TAF15: variants seen among roughly 807,000 people sequenced by gnomAD.
TAF15 encodes TATA-box binding protein associated factor 15.
Under a neutral mutation model 102.5 loss-of-function variants are expected in TAF15, and 37 were observed. That is an observed-to-expected ratio of 0.36 (90% CI 0.28 to 0.47). The LOEUF is 0.47. Among genes scored for constraint, TAF15 ranks in the 20% least tolerant of loss-of-function variants. The pLI, the probability that TAF15 is intolerant of heterozygous loss-of-function variation, is 0.99. For synonymous variants in TAF15, 273 were observed against 259.2 expected, an observed-to-expected ratio of 1.05 and a Z score of -0.51; for missense variants, 652 against 760.7, an observed-to-expected ratio of 0.86 and a Z score of 1.68.
chr17:35,834,740 C>CTTTTTATTT (rs2087451827), intron 9 of TAF15, 142 bp downstream of exon 9: 1 of 212,936 alleles, frequency 4.7e-6, no homozygotes, highest in African/African-American at 5.2e-5. Context: ...AGCTTTATTT[C>CTTTTTATTT]TTTTTTTTTT....
At chr17:35,812,550 A>G (rs1275217907) in intron 1 of TAF15, among the ~76,000 whole-genome samples, 2 of 140,098 alleles carry the variant, frequency 1.4e-5, no homozygotes, top group African/African-American at 2.7e-5. Flanking sequence ...GCGCCATTGC[A>G]CTCCAGCCTG....
chr17:35,844,833 CGAG>C lies in TAF15; in HGVS notation c.1539_1541del (p.Gly514del), dbSNP rs1453049053. 2 of 1,588,556 alleles carry C rather than the reference CGAG, an allele frequency of 1.3e-6. No individual in the cohort carries two copies. The highest frequency in any genetic ancestry group is 1.7e-6 in the Non-Finnish European group (2 of 1,167,384). On this transcript the variant is annotated inframe_deletion, in exon 15 of 16. Transcript: ENST00000605844. ...AGATCGAGGAGGTTACGGAGGAGAT[CGAG>C]GAGGTTATGGAGGAGATCGAGGAGG...
At chr17:35,816,180 G>A (rs2087192876) in intron 1 of TAF15, among the ~76,000 whole-genome samples, 2 of 152,176 alleles carry the variant, frequency 1.3e-5, no homozygotes, top group Admixed American at 1.3e-4. Flanking sequence ...TAATTGGAGA[G>A]CTTTACTGCA....
chr17:35,835,284 A>T (rs992742357), intron 9 of TAF15, among the ~76,000 whole-genome samples: 5 of 152,194 alleles, frequency 3.3e-5, no homozygotes, highest in African/African-American at 1.2e-4. Context: ...CCTACGTTGG[A>T]TTGGTAGTCT....
At chr17:35,826,156 A>G (rs2143777071) in intron 7 of TAF15, among the ~76,000 whole-genome samples, 1 of 152,176 alleles carries the variant, frequency 6.6e-6, no homozygotes, top group South Asian at 2.1e-4. Context: ...TATAAACTAA[A>G]TTTTTTATTT....
intron 1 of TAF15, chr17:35,816,815 CTTTTTTTTTTTTTTTT>C (rs1170506741): frequency 5.2e-5 from 3 of 57,430 alleles, no homozygotes; most frequent in South Asian, 8.7e-4. Flanking sequence ...CCCACCCCCA[CTTTTTTTTTTTTTTTT>C]TTTTTTTTTT....
intron 1 of TAF15, among the ~76,000 whole-genome samples, chr17:35,815,114 A>G (rs1391948689): frequency 3.3e-5 from 5 of 152,238 alleles, no homozygotes; most frequent in African/African-American, 9.6e-5. Flanking sequence ...CACAGGGAAC[A>G]TGTGCCAAGG....
Position 35,844,372 on chromosome 17 carries a change from G to C in TAF15, c.1177+4G>C, listed in dbSNP as rs2087584013. On this transcript the variant is annotated splice_donor_region_variant and intron_variant, in intron 14 of 15. Coordinates refer to ENST00000605844, the MANE Select transcript of TAF15 (RefSeq NM_139215.3). ...GACTCTCGTCCCTCAGGAGGAGGTG[G>C]GTCAGCCTTTTAATAGCATCTGCAT... The C allele has an allele frequency of 6.2e-7, 1 of 1,614,058 alleles. No homozygotes were observed.
intron 11 of TAF15, among the ~76,000 whole-genome samples, chr17:35,841,186 A>G (rs2087538867): frequency 6.6e-6 from 1 of 152,270 alleles, no homozygotes. Flanking sequence ...AAATGATAAA[A>G]AAAATTTCAA....
chr17:35,836,175 A>G lies in TAF15; in HGVS notation c.717A>G (p.Gln239=), dbSNP rs768402023. 9 of 1,613,882 alleles carry G rather than the reference A, an allele frequency of 5.6e-6. No homozygotes were observed. The South Asian group carries it at 9.9e-5, about 18-fold the overall frequency. The change falls in exon 10 of 16, where the codon CAA becomes CAG. Residue 239 remains glutamine, a synonymous_variant. Transcript: ENST00000605844. ...CAGATAACAACACAATCTTTGTGCA[A>G]GGACTTGGGGAGGGTGTGTCTACAG... ...DNSDNNTIFV[Q]GLGEGVSTDQ...
intron 7 of TAF15, among the ~76,000 whole-genome samples, chr17:35,833,023 G>A (rs915403934): frequency 1.3e-5 from 2 of 151,992 alleles, no homozygotes; most frequent in Non-Finnish European, 2.9e-5. Context: ...TGGGTGTGGC[G>A]ACACGCATCT....
At position 35,840,318 on chromosome 17, in the gene TAF15, C is replaced by T. The variant is rs531923686; in HGVS notation, c.913+1765C>T. 6.5e-5 allele frequency among the ~76,000 whole-genome samples: 9 copies of T among 137,534 alleles called. No individual in the cohort carries two copies. The East Asian group carries it at 2.0e-3, about 30-fold the overall frequency. The allele number at this position is 137,534 out of a possible 152,430, so 90.2% of individuals were successfully genotyped here. A position where few individuals can be genotyped will look rare whatever the true frequency, so the allele number is the denominator to read the frequency against. ...TCAGGCTGGAGTGCAGTGGCGCAAT[C>T]TCGGCTCACTTGAACCTCCGCCTCC... On this transcript the variant is annotated intron_variant, in intron 11 of 15. Coordinates refer to ENST00000605844, the MANE Select transcript of TAF15 (RefSeq NM_139215.3).
rs561062059 is a variant in TAF15 at position 35,844,860 on chromosome 17, G to A, written c.1561G>A (p.Gly521Ser). 1.2e-6 allele frequency: 2 copies of A among 1,608,778 alleles called. No homozygotes were observed. The highest frequency in any genetic ancestry group is 1.3e-5 in the African/African-American group (1 of 74,822). ...AGGAGGTTATGGAGGAGATCGAGGA[G>A]GCTATGGAGGAGACAGAAGCCGGGG... ...DRGGYGGDRGGYGGDRSRGGY... is the reference protein window; with the variant it reads ...DRGGYGGDRGSYGGDRSRGGY... The change falls in exon 15 of 16, where the codon GGC (glycine) becomes AGC (serine). Residue 521 changes from glycine (G) to serine (S), a missense_variant. Coordinates refer to ENST00000605844, the MANE Select transcript of TAF15 (RefSeq NM_139215.3).
rs189460819 is a variant in TAF15 at position 35,838,645 on chromosome 17, T to C, written c.913+92T>C. The C allele has an allele frequency of 2.5e-6, 4 of 1,581,036 alleles. No individual in the cohort carries two copies. In the African/African-American group the frequency reaches 5.4e-5, roughly 21 times the overall value. Reference sequence around the variant, plus strand: ...TATGCTCTGGGTGACAGTGATTATATTCATGTTTACTTTTGCAGATATTAA... The same window carrying C: ...TATGCTCTGGGTGACAGTGATTATACTCATGTTTACTTTTGCAGATATTAA... On this transcript the variant is annotated intron_variant, in intron 11 of 15. Transcript: ENST00000605844.
intron 1 of TAF15, among the ~76,000 whole-genome samples, chr17:35,813,853 A>G (rs2087157688): frequency 6.6e-6 from 1 of 152,188 alleles, no homozygotes; most frequent in Non-Finnish European, 1.5e-5. Context: ...CCAGTAACCT[A>G]CTAGAGAAAA....
In TAF15 at chr17:35,824,213, A is replaced by G. The variant is rs763704858; in HGVS notation, c.605+15A>G. ...ACAGGATCAAGGTAAGTATGTAGAT[A>G]AAGATGCGTACATTTCTTCTTCTTC... On this transcript the variant is annotated intron_variant, in intron 7 of 15. Coordinates refer to ENST00000605844, the MANE Select transcript of TAF15 (RefSeq NM_139215.3). 1.2e-6 allele frequency: 2 copies of G among 1,613,094 alleles called. No homozygotes were observed. Among genetic ancestry groups the G allele is most frequent in the Non-Finnish European group, 8.5e-7 (1 of 1,179,744 alleles).
At chr17:35,812,387 G>A (rs1437153374) in intron 1 of TAF15, among the ~76,000 whole-genome samples, 5 of 151,682 alleles carry the variant, frequency 3.3e-5, no homozygotes, top group South Asian at 2.1e-4. Flanking sequence ...ACCTAAGGTC[G>A]AGAGTTCGAG....
At chr17:35,832,821 A>G (rs185735988) in intron 7 of TAF15, among the ~76,000 whole-genome samples, 175 of 152,294 alleles carry the variant, frequency 1.1e-3, no homozygotes, top group Admixed American at 0.011. Context: ...ACGTAAAGCC[A>G]TGTTCACAAG....
intron 10 of TAF15, 94 bp downstream of exon 10, chr17:35,836,335 T>A: frequency 3.3e-6 from 3 of 902,100 alleles, no homozygotes; most frequent in Non-Finnish European, 5.2e-6. Context: ...TCAGTACGCC[T>A]TGTCTCTTAA....
Sources: allele counts gnomAD v4.1 joint callset (sites outside exome capture counted in the v4.1 genomes callset), GRCh38; gene constraint gnomAD v4.1.1; transcripts MANE v1.5; gene names NCBI Gene and HGNC (gene_info 2026-07-23, HGNC 2026-07-21).